The following MEGF11 variants were observed in gnomAD, a reference collection of about 807,000 sequenced individuals.
MEGF11 encodes the protein multiple epidermal growth factor-like domains protein 11.
MEGF11 carries 126 observed loss-of-function variants against 146.6 expected under a neutral mutation model. The observed-to-expected ratio is 0.86, with a 90% CI of 0.74 to 1.00. MEGF11 has a LOEUF of 1.00. Ranked by LOEUF, MEGF11 falls within the 50% of genes least tolerant of loss-of-function variation. The pLI is 0.00. For missense variants in MEGF11, 1,509 were observed against 1,521.2 expected, an observed-to-expected ratio of 0.99 and a Z score of 0.13; for synonymous variants, 532 against 583.4, an observed-to-expected ratio of 0.91 and a Z score of 1.27.
intron 1 of MEGF11, among the ~76,000 whole-genome samples, chr15:66,149,088 G>C (rs112056776): frequency 5.3e-5 from 8 of 152,206 alleles, no homozygotes; most frequent in African/African-American, 1.9e-4. Flanking sequence ...CCTCCTGCTC[G>C]CCCTTTGCCC....
At chr15:66,014,044 T>C (rs997012725) in intron 5 of MEGF11, among the ~76,000 whole-genome samples, 6 of 152,046 alleles carry the variant, frequency 3.9e-5, no homozygotes, top group African/African-American at 1.5e-4. Flanking sequence ...TACAATGGGT[T>C]TGAGTGAGGA....
In MEGF11 at chr15:65,913,969, G is replaced by A. The variant is rs1336978946; in HGVS notation, c.2478C>T (p.Ala826=). 1 of 1,612,890 alleles carries A rather than the reference G, an allele frequency of 6.2e-7. No individual in the cohort carries two copies. The highest frequency in any genetic ancestry group is 8.5e-7 in the Non-Finnish European group (1 of 1,179,302). Residue 826 remains alanine (A), a synonymous_variant, in exon 20 of 26, where the codon GCC becomes GCT. Coordinates refer to ENST00000395614, the MANE Select transcript of MEGF11 (RefSeq NM_001385028.1). ...AGGGATTCAGCTCCTCCATCATGAG[G>A]GCAGCTGCGGGCAGAGGGAGGGCCT... The part of the protein sequence containing the change: ...GFKGIRCDQA[A]LMMEELNPYT...
At chr15:66,168,557 G>A (rs60430940) in intron 1 of MEGF11, among the ~76,000 whole-genome samples, 2 of 152,314 alleles carry the variant, frequency 1.3e-5, no homozygotes, top group African/African-American at 2.4e-5. Flanking sequence ...AATACCTGGG[G>A]AGGGAAGCCA....
chr15:66,189,382 T>C (rs1007316042), intron 1 of MEGF11, among the ~76,000 whole-genome samples: 1 of 152,284 alleles, frequency 6.6e-6, no homozygotes, highest in East Asian at 1.9e-4. Context: ...CACTTCATGC[T>C]TTACAGAGCA....
At chr15:65,909,177 C>T in intron 22 of MEGF11, 42 bp from the exon 23 acceptor site, 1 of 1,365,650 alleles carries the variant, frequency 7.3e-7, no homozygotes, top group Non-Finnish European at 1.0e-6. Flanking sequence ...ATTCCCAGGG[C>T]CCTGGTATAG....
At chr15:66,011,346 G>A (rs2082706216) in intron 5 of MEGF11, among the ~76,000 whole-genome samples, 1 of 152,200 alleles carries the variant, frequency 6.6e-6, no homozygotes, top group Non-Finnish European at 1.5e-5. Context: ...CCATTGCCCA[G>A]CTATGGGACT....
In MEGF11 at chr15:65,909,014, G is replaced by C. The variant is rs1387120747; in HGVS notation, c.2998+20C>G. 1 of 1,492,092 alleles carries C rather than the reference G, an allele frequency of 6.7e-7. No individual in the cohort carries two copies. Among genetic ancestry groups the C allele is most frequent in the African/African-American group, 1.4e-5 (1 of 72,058 alleles). 92.4% of individuals were successfully genotyped at this position (1,492,092 alleles called of 1,614,324 possible). ...GTCTGGTCTGGCATGAGGGGGTGGA[G>C]GGTAGGGCTGGGGTCTGACCTGGTG... On this transcript the variant is annotated intron_variant, in intron 23 of 25. Transcript: ENST00000395614.
At chr15:65,908,969 G>C (rs1186496498) in intron 23 of MEGF11, 65 bp downstream of exon 23, 1 of 1,017,692 alleles carries the variant, frequency 9.8e-7, no homozygotes, top group African/African-American at 1.6e-5. Context: ...TGCAGGGATG[G>C]GGATTAGGGC....
At chr15:66,238,653 AACC>A (rs2092145613) in intron 1 of MEGF11, among the ~76,000 whole-genome samples, 1 of 152,238 alleles carries the variant, frequency 6.6e-6, no homozygotes, top group Non-Finnish European at 1.5e-5. Context: ...GTTCTATCAT[AACC>A]CTGACTGTAC....
intron 21 of MEGF11, 93 bp downstream of exon 21, chr15:65,911,989 A>G (rs1341514392): frequency 1.6e-6 from 1 of 614,464 alleles, no homozygotes; most frequent in Non-Finnish European, 2.4e-6. Flanking sequence ...TGGACCCTCC[A>G]TGTGGCGGGG....
In MEGF11 at chr15:65,982,096, C is replaced by T. The variant is rs2081660662; in HGVS notation, c.641+146G>A. ...CACCACCCAGCCCACCCACAAGGAG[C>T]CCAGGGCTGGGCGTGCAGCTGCGGT... On this transcript the variant is annotated intron_variant, in intron 6 of 25. Coordinates refer to ENST00000395614, the MANE Select transcript of MEGF11 (RefSeq NM_001385028.1). The surrounding 1 kb of genome is among the most constrained non-coding windows in gnomAD (Gnocchi z 5.6). 1 of 1,193,818 alleles carries T rather than the reference C, an allele frequency of 8.4e-7. No homozygotes were observed. The highest frequency in any genetic ancestry group is 2.8e-5 in the Admixed American group (1 of 35,304). The allele number at this position is 1,193,818 out of a possible 1,614,324, so 74.0% of individuals were successfully genotyped here.
chr15:65,923,691 A>G (rs1402592503), intron 13 of MEGF11, among the ~76,000 whole-genome samples: 1 of 152,224 alleles, frequency 6.6e-6, no homozygotes, highest in Non-Finnish European at 1.5e-5. Flanking sequence ...TAACCCAACA[A>G]TTTGATTTAA....
At chr15:66,124,191 G>C (rs1478182440) in intron 2 of MEGF11, among the ~76,000 whole-genome samples, 191 bp from the exon 3 acceptor site, 1 of 151,870 alleles carries the variant, frequency 6.6e-6, no homozygotes, top group Non-Finnish European at 1.5e-5. Flanking sequence ...CCCGACCCCA[G>C]GTTGGCCCCA....
intron 15 of MEGF11, chr15:65,922,025 T>C (rs1353776070): frequency 2.7e-6 from 1 of 371,700 alleles, no homozygotes; most frequent in African/African-American, 2.2e-5. Flanking sequence ...GTGCCACTTC[T>C]GATGCAGATC....
chr15:66,069,202 C>T (rs1369524851), intron 5 of MEGF11, among the ~76,000 whole-genome samples: 2 of 152,218 alleles, frequency 1.3e-5, no homozygotes, highest in Non-Finnish European at 2.9e-5. Flanking sequence ...ATATCCCTTA[C>T]CGTCCAAGTC....
rs936459709 is a variant in MEGF11, at chr15:66,195,513, C to A, written c.-9+58092G>T. 3.3e-5 allele frequency among the ~76,000 whole-genome samples: 5 copies of A among 152,116 alleles called. No individual in the cohort carries two copies. The East Asian group carries it at 9.6e-4, about 29-fold the overall frequency. Reference sequence around the variant, plus strand: ...CAGGTTGTTTATTTGGGAAGTGATCCCACAGGGCAAGAGAGAGGTTCAGGA... The same window carrying A: ...CAGGTTGTTTATTTGGGAAGTGATCACACAGGGCAAGAGAGAGGTTCAGGA... On this transcript the variant is annotated intron_variant, in intron 1 of 25. Transcript: ENST00000395614.
intron 1 of MEGF11, among the ~76,000 whole-genome samples, chr15:66,131,629 T>C (rs1049602578): frequency 6.6e-6 from 1 of 152,222 alleles, no homozygotes; most frequent in African/African-American, 2.4e-5. Flanking sequence ...GGGCATTCTC[T>C]ACAGCTGGGT....
intron 1 of MEGF11, among the ~76,000 whole-genome samples, chr15:66,158,398 A>G (rs975505786): frequency 2.0e-5 from 3 of 152,268 alleles, no homozygotes; most frequent in Non-Finnish European, 4.4e-5. Flanking sequence ...CATCAGATGG[A>G]ACCGTGTGGA....
intron 10 of MEGF11, among the ~76,000 whole-genome samples, chr15:65,953,364 T>A (rs1567173835): frequency 6.6e-6 from 1 of 152,208 alleles, no homozygotes; most frequent in Non-Finnish European, 1.5e-5. Flanking sequence ...TTTGTCTGGT[T>A]CCATGGTCAC....
Sources: allele counts gnomAD v4.1 joint callset (sites outside exome capture counted in the v4.1 genomes callset), GRCh38; gene constraint gnomAD v4.1.1; non-coding constraint Gnocchi (gnomAD v3.1); transcripts MANE v1.5; gene names NCBI Gene and HGNC (gene_info 2026-07-23, HGNC 2026-07-21).